The following NCOR2 variants were observed in gnomAD, a reference collection of about 807,000 sequenced individuals.
The protein encoded by NCOR2 is CTG repeat protein 26.
Under a neutral mutation model 262.9 loss-of-function variants are expected in NCOR2, and 81 were observed. The ratio of observed to expected loss-of-function variants is 0.31; its 90% CI spans 0.26 to 0.37. The LOEUF (loss-of-function observed/expected upper bound fraction) is 0.37. Ranked by LOEUF, NCOR2 falls within the 10% of genes least tolerant of loss-of-function variation. The pLI is 1.00. For synonymous variants in NCOR2, 1,659 were observed against 1,559.3 expected, an observed-to-expected ratio of 1.06 and a Z score of -1.51; for missense variants, 3,385 against 3,621.4, an observed-to-expected ratio of 0.93 and a Z score of 1.68.
rs33951841 is a variant in NCOR2 at position 124,361,122 on chromosome 12, CAAAAAAAAAAA to C, written c.3100+993_3100+1003del. Among the ~76,000 whole-genome samples, 19 of 122,500 alleles carry C rather than the reference CAAAAAAAAAAA, an allele frequency of 1.6e-4. 3 individuals are homozygous for C. Among genetic ancestry groups the C allele is most frequent in the East Asian group, 1.5e-3 (5 of 3,288 alleles). The allele number at this position is 122,500 out of a possible 152,430, so 80.4% of individuals were successfully genotyped here. A position where few individuals can be genotyped will look rare whatever the true frequency, so the allele number is the denominator to read the frequency against. ...GGCGAGAGTGACACTCCGTCTCAAA[CAAAAAAAAAAA>C]AAAAAAAAAGAGAAGGGGGATGTCA... On this transcript the variant is annotated intron_variant, in intron 22 of 46. Transcript: ENST00000405201.
At chr12:124,356,281 A>G (rs542553709) in intron 23 of NCOR2, among the ~76,000 whole-genome samples, 1 of 152,294 alleles carries the variant, frequency 6.6e-6, no homozygotes, top group South Asian at 2.1e-4. Context: ...ACAGGGCCGA[A>G]ATGCAGCCTC....
intron 3 of NCOR2, among the ~76,000 whole-genome samples, chr12:124,479,392 T>C (rs1056062682): frequency 2.7e-5 from 4 of 149,098 alleles, no homozygotes; most frequent in East Asian, 2.0e-4. Flanking sequence ...CAAACACGCA[T>C]GGACACACGC....
Position 124,503,876 on chromosome 12 carries a change from G to T in NCOR2, c.-117-8508C>A, listed in dbSNP as rs2048911517. ...CTTACATTTCTAACCAATCCCCAGGGCCAAGCATGTCTTCATCCTGCTAAT... is the reference window on the plus strand; with the variant it reads ...CTTACATTTCTAACCAATCCCCAGGTCCAAGCATGTCTTCATCCTGCTAAT... On this transcript the variant is annotated intron_variant, in intron 1 of 46. Transcript: ENST00000404621. This position sits in a 1 kb window ranked among gnomAD's most constrained non-coding sequence, Gnocchi z 4.3. Among the ~76,000 whole-genome samples, 1 of 152,136 alleles carries T rather than the reference G, an allele frequency of 6.6e-6. No homozygotes were observed.
At chr12:124,444,835 T>G (rs1266037514) in intron 7 of NCOR2, among the ~76,000 whole-genome samples, 1 of 151,752 alleles carries the variant, frequency 6.6e-6, no homozygotes, top group Non-Finnish European at 1.5e-5. Context: ...GTCACCCAGG[T>G]AGGGAGGGGC....
chr12:124,341,785 GGCCAAACCCA>G (rs750812440), intron 34 of NCOR2, 28 bp downstream of exon 36: 1 of 1,569,038 alleles, frequency 6.4e-7, no homozygotes. Context: ...TTGGGAATAA[GGCCAAACCCA>G]GCGGAGGTGG....
chr12:124,478,775 A>G (rs2047239780), intron 3 of NCOR2, among the ~76,000 whole-genome samples: 1 of 152,190 alleles, frequency 6.6e-6, no homozygotes, highest in African/African-American at 2.4e-5. Context: ...ATAGATGAAG[A>G]CAGAAACAGA....
chr12:124,335,941 G>T, intron 38 of NCOR2: 1 of 388,756 alleles, frequency 2.6e-6, no homozygotes, highest in Non-Finnish European at 4.7e-6. Context: ...AGGCCAGCGT[G>T]AGATGGGGGC....
intron 1 of NCOR2, among the ~76,000 whole-genome samples, chr12:124,554,560 A>G (rs1371132810): frequency 6.6e-6 from 1 of 152,000 alleles, no homozygotes; most frequent in East Asian, 1.9e-4. Flanking sequence ...ACCCCCAGGC[A>G]CTCCTTACAG....
chr12:124,493,255 C>T (rs779262333), intron 1 of NCOR2, among the ~76,000 whole-genome samples: 3 of 152,088 alleles, frequency 2.0e-5, no homozygotes, highest in Non-Finnish European at 4.4e-5. Flanking sequence ...CGGGTGAGGG[C>T]GGTTGAGAAG....
chr12:124,489,544 G>A (rs2047965445), intron 1 of NCOR2, among the ~76,000 whole-genome samples: 1 of 152,218 alleles, frequency 6.6e-6, no homozygotes, highest in Non-Finnish European at 1.5e-5. Flanking sequence ...CTGTAGGACA[G>A]CAGCAAACCT....
chr12:124,326,884 T>C (rs1052494208), intron 45 of NCOR2, among the ~76,000 whole-genome samples: 1 of 152,136 alleles, frequency 6.6e-6, no homozygotes, highest in Admixed American at 6.5e-5. Flanking sequence ...ACAGAGGGTA[T>C]TGATGGGGAA....
At chr12:124,417,286 A>AC in intron 13 of NCOR2, among the ~76,000 whole-genome samples, 1 of 51,568 alleles carries the variant, frequency 1.9e-5, no homozygotes, top group South Asian at 6.2e-4. Context: ...TCACTCCACG[A>AC]AGAGCAAGCC....
intron 1 of NCOR2, among the ~76,000 whole-genome samples, chr12:124,552,432 C>T (rs961560467): frequency 3.1e-4 from 47 of 152,312 alleles, no homozygotes; most frequent in African/African-American, 1.1e-3. Context: ...TTACCGTTTG[C>T]AGGTTTCTCT....
At chr12:124,386,262 T>C (rs2040797879) in intron 16 of NCOR2, among the ~76,000 whole-genome samples, 1 of 151,830 alleles carries the variant, frequency 6.6e-6, no homozygotes, top group African/African-American at 2.4e-5. Context: ...AGGCCCCACC[T>C]CTCCTGCTGG....
At chr12:124,526,688 G>C (rs2050489407) in intron 1 of NCOR2, among the ~76,000 whole-genome samples, 1 of 152,172 alleles carries the variant, frequency 6.6e-6, no homozygotes, top group Non-Finnish European at 1.5e-5. Flanking sequence ...ATCAGCCACA[G>C]CAAGAACCCC....
At chr12:124,557,613 G>A (rs2137281366) in intron 1 of NCOR2, among the ~76,000 whole-genome samples, 1 of 152,314 alleles carries the variant, frequency 6.6e-6, no homozygotes, top group East Asian at 1.9e-4. Context: ...GACGTGAATG[G>A]GTGGGAAGGT....
chr12:124,558,612 G>A (rs920231443), intron 1 of NCOR2, among the ~76,000 whole-genome samples: 4 of 152,146 alleles, frequency 2.6e-5, no homozygotes, highest in African/African-American at 9.7e-5. Context: ...AGGGGCCTGG[G>A]GGATGCGGGG....
intron 8 of NCOR2, among the ~76,000 whole-genome samples, chr12:124,437,640 C>T (rs988837556): frequency 2.0e-5 from 3 of 152,214 alleles, no homozygotes; most frequent in Non-Finnish European, 4.4e-5. Context: ...GGACAGGTCC[C>T]GTGACCAGGG....
At position 124,389,059 on chromosome 12, in the gene NCOR2, C is replaced by A. The variant is rs2041068174; in HGVS notation, c.1877-3172G>T. 6.6e-6 allele frequency among the ~76,000 whole-genome samples: 1 copy of A among 152,250 alleles called. No homozygotes were observed. Among genetic ancestry groups the A allele is most frequent in the African/African-American group, 2.4e-5 (1 of 41,474 alleles). Reference sequence around the variant, plus strand: ...CGCTGTGGGCGCGCGAGGTGCCCTTCCCCGAGGGTGGTGGGTGGCGGGAAG... The same window carrying A: ...CGCTGTGGGCGCGCGAGGTGCCCTTACCCGAGGGTGGTGGGTGGCGGGAAG... On this transcript the variant is annotated intron_variant, in intron 16 of 46. Coordinates refer to ENST00000405201, the Ensembl canonical transcript of NCOR2. This position sits in a 1 kb window ranked among gnomAD's most constrained non-coding sequence, Gnocchi z 4.4.
Sources: allele counts gnomAD v4.1 joint callset (sites outside exome capture counted in the v4.1 genomes callset), GRCh38; gene constraint gnomAD v4.1.1; non-coding constraint Gnocchi (gnomAD v3.1); transcripts MANE v1.5; gene names NCBI Gene and HGNC (gene_info 2026-07-23, HGNC 2026-07-21).